The following DOCK5 variants were observed in gnomAD, a reference collection of about 807,000 sequenced individuals.
The protein encoded by DOCK5 is dedicator of cytokinesis 5, also known as dedicator of cytokinesis protein 5.
A neutral mutation model predicts 251.8 loss-of-function variants in DOCK5; 142 were observed. That is an observed-to-expected ratio of 0.56 (90% CI 0.49 to 0.65). The LOEUF (loss-of-function observed/expected upper bound fraction) is 0.65. Ranked by LOEUF, DOCK5 falls within the 30% of genes least tolerant of loss-of-function variation. The probability of loss-of-function intolerance (pLI) is 0.00; values close to 1 mark genes in which losing one functional copy is unlikely to be tolerated. For synonymous variants in DOCK5, 842 were observed against 835.5 expected (o/e 1.01, Z -0.13); for missense variants, 2,111 against 2,312.3 (o/e 0.91, Z 1.79).
chr8:25,334,191 A>C lies in DOCK5; in HGVS notation c.2187A>C (p.Ala729=), dbSNP rs1438006349. The change falls in exon 21 of 52, where the codon GCA becomes GCC. Residue 729 remains alanine (A), a synonymous_variant. Transcript: ENST00000276440. The part of the protein sequence containing the change: ...YIYKHFSATL[A]YVKLSKVLNF... The stretch of plus-strand genomic sequence containing the variant: ...ACAAGCACTTCAGCGCCACTTTGGC[A>C]TATGTGTAAGTATGATCTGAAGGAA... 3.1e-6 allele frequency: 5 copies of C among 1,612,238 alleles called. No individual in the cohort carries two copies. In the East Asian group the frequency reaches 8.9e-5, roughly 29 times the overall value.
At chr8:25,368,842 A>C in intron 33 of DOCK5, 117 bp downstream of exon 33, 2 of 1,127,632 alleles carry the variant, frequency 1.8e-6, no homozygotes, top group Non-Finnish European at 2.4e-6. Context: ...TTGATCTGAA[A>C]GTTCACTTTA....
chr8:25,329,310 A>G (rs1018974401), intron 18 of DOCK5, among the ~76,000 whole-genome samples: 1 of 152,104 alleles, frequency 6.6e-6, no homozygotes, highest in Non-Finnish European at 1.5e-5. Flanking sequence ...CCCTAGCCAC[A>G]TTTCAAGTGC....
At chr8:25,399,644 G>A (rs114221186) in intron 45 of DOCK5, among the ~76,000 whole-genome samples, 556 of 152,314 alleles carry the variant, frequency 3.7e-3, no homozygotes, top group African/African-American at 0.013. Context: ...TGTTGATGAT[G>A]ATTATTTGAT....
chr8:25,380,745 C>T (rs1427168189), intron 39 of DOCK5, among the ~76,000 whole-genome samples: 1 of 152,130 alleles, frequency 6.6e-6, no homozygotes, highest in Non-Finnish European at 1.5e-5. Context: ...TTCTGTGGGC[C>T]CTCCATATTC....
intron 26 of DOCK5, among the ~76,000 whole-genome samples, chr8:25,347,503 A>G (rs904096525): frequency 4.6e-5 from 7 of 152,354 alleles, no homozygotes; most frequent in African/African-American, 1.2e-4. Context: ...ACTTTGCACC[A>G]AATACGTAAA....
At chr8:25,335,037 C>T (rs868444274) in intron 21 of DOCK5, among the ~76,000 whole-genome samples, 4 of 152,308 alleles carry the variant, frequency 2.6e-5, no homozygotes, top group South Asian at 2.1e-4. Context: ...ATGTCCACTC[C>T]GCATTCCTCC....
intron 15 of DOCK5, among the ~76,000 whole-genome samples, chr8:25,320,462 G>A (rs544221986): frequency 5.5e-4 from 83 of 152,198 alleles, no homozygotes; most frequent in African/African-American, 2.0e-3. Flanking sequence ...ACTTGCATAA[G>A]GTTCCAAAGT....
intron 47 of DOCK5, 96 bp from the exon 48 acceptor site, chr8:25,403,462 G>C: frequency 7.7e-7 from 1 of 1,305,206 alleles, no homozygotes; most frequent in Non-Finnish European, 1.1e-6. Context: ...CAGTACAGAT[G>C]GGTACTGGTT....
rs368859280 is a variant in DOCK5, at chr8:25,303,274, T to A, written c.976+820T>A. Among the ~76,000 whole-genome samples, 3 of 152,184 alleles carry A rather than the reference T, an allele frequency of 2.0e-5. No homozygotes were observed. In the East Asian group the frequency reaches 5.8e-4, roughly 29 times the overall value. On this transcript the variant is annotated intron_variant, in intron 10 of 51. Coordinates refer to ENST00000276440, the MANE Select transcript of DOCK5 (RefSeq NM_024940.8). ...TGGCCCACGCTCCTTTCTTTCCCCC[T>A]TAGTGCCCAACACTGTGTCTTATAC...
At chr8:25,272,667 T>C (rs1384699562) in intron 3 of DOCK5, among the ~76,000 whole-genome samples, 1 of 152,170 alleles carries the variant, frequency 6.6e-6, no homozygotes, top group African/African-American at 2.4e-5. Context: ...TCCTGCTTTT[T>C]TATGAGTTTT....
intron 22 of DOCK5, among the ~76,000 whole-genome samples, chr8:25,338,136 G>T (rs904800414): frequency 6.6e-6 from 1 of 151,834 alleles, no homozygotes; most frequent in Non-Finnish European, 1.5e-5. Flanking sequence ...CTGCTTCCCG[G>T]GCTCAAGCGA....
At chr8:25,245,784 C>T (rs1803087650) in intron 2 of DOCK5, among the ~76,000 whole-genome samples, 1 of 152,072 alleles carries the variant, frequency 6.6e-6, no homozygotes, top group Non-Finnish European at 1.5e-5. Flanking sequence ...AGGTGATAGC[C>T]CCATCTTGGC....
At chr8:25,307,371 G>A (rs544383139) in intron 11 of DOCK5, among the ~76,000 whole-genome samples, 8 of 152,106 alleles carry the variant, frequency 5.3e-5, no homozygotes, top group South Asian at 2.1e-4. Context: ...CACCTGCCTC[G>A]GCCTCCCAAA....
chr8:25,185,135 A>G (rs1025713101), intron 1 of DOCK5, among the ~76,000 whole-genome samples, 184 bp downstream of exon 1: 1 of 152,062 alleles, frequency 6.6e-6, no homozygotes, highest in African/African-American at 2.4e-5. Context: ...GAAGTCGCCC[A>G]GGGTTTGGGG....
At chr8:25,320,959 T>G (rs371698044) in intron 15 of DOCK5, 21 bp from the exon 16 acceptor site, 73 of 1,605,682 alleles carry the variant, frequency 4.5e-5, no homozygotes, top group Non-Finnish European at 6.0e-5. Flanking sequence ...TGTAAACTAT[T>G]AATTTCTTAC....
At chr8:25,367,829 C>T (rs763654263) in intron 31 of DOCK5, among the ~76,000 whole-genome samples, 21 of 152,150 alleles carry the variant, frequency 1.4e-4, no homozygotes, top group Non-Finnish European at 1.9e-4. Flanking sequence ...ATTTAGTCAC[C>T]TGTTAGGCAT....
intron 44 of DOCK5, among the ~76,000 whole-genome samples, chr8:25,393,793 G>T (rs1023713481): frequency 6.6e-6 from 1 of 152,074 alleles, no homozygotes; most frequent in African/African-American, 2.4e-5. Flanking sequence ...CTGAGACCCC[G>T]CTAACACCAT....
intron 5 of DOCK5, among the ~76,000 whole-genome samples, chr8:25,288,509 T>A (rs1403757400): frequency 6.6e-6 from 1 of 152,236 alleles, no homozygotes; most frequent in Non-Finnish European, 1.5e-5. Context: ...TAGTGTCTAA[T>A]GTAACTGAGA....
intron 21 of DOCK5, among the ~76,000 whole-genome samples, chr8:25,335,872 G>A (rs1805793454): frequency 6.6e-6 from 1 of 152,200 alleles, no homozygotes; most frequent in African/African-American, 2.4e-5. Context: ...GTCAACTCCT[G>A]TAGGCAGGCA....
Sources: gnomAD v4.1 joint callset for allele counts (sites outside exome capture counted in the v4.1 genomes callset) on GRCh38, gnomAD v4.1.1 for gene constraint, MANE v1.5 for transcripts, NCBI Gene and HGNC (gene_info 2026-07-23, HGNC 2026-07-21) for gene names.